The following KIAA1671 variants were observed in gnomAD, a reference collection of about 807,000 sequenced individuals.
The protein encoded by KIAA1671 is KIAA1671.
KIAA1671 carries 52 observed loss-of-function variants against 131.2 expected under a neutral mutation model. The ratio of observed to expected loss-of-function variants is 0.40; its 90% CI spans 0.32 to 0.50. KIAA1671 has a LOEUF of 0.50. Among genes scored for constraint, KIAA1671 ranks in the 20% least tolerant of loss-of-function variants. KIAA1671 has a pLI of 0.73. For missense variants in KIAA1671, 2,360 were observed against 2,364.2 expected, an observed-to-expected ratio of 1.00 and a Z score of 0.04; for synonymous variants, 1,003 against 961.6, an observed-to-expected ratio of 1.04 and a Z score of -0.80.
chr22:25,066,539 C>T (rs1928484139), intron 6 of KIAA1671, among the ~76,000 whole-genome samples: 1 of 152,154 alleles, frequency 6.6e-6, no homozygotes, highest in African/African-American at 2.4e-5. Context: ...TCTTAACACC[C>T]TCATCTTGGG....
At chr22:25,037,281 C>T (rs1043061764) in intron 4 of KIAA1671, among the ~76,000 whole-genome samples, 15 of 152,130 alleles carry the variant, frequency 9.9e-5, no homozygotes, top group Admixed American at 1.3e-4. Flanking sequence ...CGAGATCGTG[C>T]CATTGCACTC....
chr22:25,101,998 T>C, intron 6 of KIAA1671, among the ~76,000 whole-genome samples: 1 of 151,460 alleles, frequency 6.6e-6, no homozygotes, highest in Non-Finnish European at 1.5e-5. Context: ...GAGGCGGGAG[T>C]ATCTAAGCTG....
chr22:25,163,331 A>ATTTTTTTTTTTTTTTT (rs132895), intron 6 of KIAA1671, among the ~76,000 whole-genome samples: 2 of 55,544 alleles, frequency 3.6e-5, no homozygotes, highest in Non-Finnish European at 6.2e-5. Flanking sequence ...ATTGCCTCAA[A>ATTTTTTTTTTTTTTTT]TTTTTTTTTT....
rs1432946314 is a variant in KIAA1671, at chr22:25,193,800, TG to T, written c.*1401del. On this transcript the variant is annotated 3_prime_UTR_variant, in exon 13 of 13. Coordinates refer to ENST00000358431, the MANE Select transcript of KIAA1671 (RefSeq NM_001145206.2). ...ACCTTGTGTCCTGTTCGATGAGCTT[TG>T]GTTACTGATGAGCAATTGCCAGATC... 1.3e-5 allele frequency: 2 copies of T among 152,236 alleles called. No homozygotes were observed. Among genetic ancestry groups the T allele is most frequent in the African/African-American group, 2.4e-5 (1 of 41,452 alleles). 9.4% of individuals were successfully genotyped at this position (152,236 alleles called of 1,614,324 possible). A position where few individuals can be genotyped will look rare whatever the true frequency, so the allele number is the denominator to read the frequency against.
rs1353699597 is a variant in KIAA1671 at position 25,039,074 on chromosome 22, C to T, written c.1944C>T (p.Pro648=). The part of the protein sequence containing the change: ...GDMAHARVSE[P]RPRPEMGSWL... ...TGGCCCATGCCCGTGTCTCAGAACC[C>T]AGGCCGAGGCCTGAGATGGGCTCTT... The change falls in exon 5 of 13, where the codon CCC becomes CCT. Residue 648 remains proline (P), a synonymous_variant. Transcript: ENST00000358431. The T allele has an allele frequency of 1.3e-6, 2 of 1,551,590 alleles. No homozygotes were observed. The highest frequency in any genetic ancestry group is 1.4e-5 in the African/African-American group (1 of 73,062).
Position 25,040,915 on chromosome 22 carries a change from C to T in KIAA1671, c.3785C>T (p.Pro1262Leu), listed in dbSNP as rs990471781. The change falls in exon 5 of 13, where the codon CCG becomes CTG. Residue 1262 changes from proline (P) to leucine (L), a missense_variant. This residue lies in a region of KIAA1671 where 1,161 missense variants were observed against 1,204.7 expected (regional missense o/e 0.96). Coordinates refer to ENST00000358431, the MANE Select transcript of KIAA1671 (RefSeq NM_001145206.2). ...EMPDTGGLWK[P>L]ASSAEINHSF... ...CCCGATACCGGGGGTCTCTGGAAACCGGCCAGTTCTGCCGAAATAAATCAC... is the reference window on the plus strand; with the variant it reads ...CCCGATACCGGGGGTCTCTGGAAACTGGCCAGTTCTGCCGAAATAAATCAC... 5.5e-5 allele frequency: 82 copies of T among 1,499,558 alleles called. No individual in the cohort carries two copies. Among genetic ancestry groups the T allele is most frequent in the East Asian group, 1.7e-4 (7 of 40,484 alleles). The allele number at this position is 1,499,558 out of a possible 1,614,324, so 92.9% of individuals were successfully genotyped here. A position where few individuals can be genotyped will look rare whatever the true frequency, so the allele number is the denominator to read the frequency against.
At chr22:24,957,671 C>CTTTTTTTTTTTTTTTT (rs886130979) in intron 1 of KIAA1671, among the ~76,000 whole-genome samples, 2 of 100,322 alleles carry the variant, frequency 2.0e-5, no homozygotes, top group Non-Finnish European at 3.9e-5. Context: ...TCTTTTGTTC[C>CTTTTTTTTTTTTTTTT]TTTTTTTTTT....
intron 4 of KIAA1671, among the ~76,000 whole-genome samples, chr22:25,033,759 T>A (rs1405368850): frequency 1.3e-5 from 2 of 151,472 alleles, no homozygotes; most frequent in Non-Finnish European, 2.9e-5. Context: ...CTTTTGTATT[T>A]TTAGTAGAGT....
intron 1 of KIAA1671, chr22:25,022,993 C>G (rs1239199667): frequency 2.6e-5 from 4 of 152,408 alleles, no homozygotes; most frequent in Admixed American, 2.0e-4. Context: ...ATTACGAAGT[C>G]AGGAGATCCA....
chr22:24,979,545 T>G lies in KIAA1671; in HGVS notation c.-208+26773T>G, dbSNP rs1923119520. 2.0e-5 allele frequency among the ~76,000 whole-genome samples: 3 copies of G among 147,848 alleles called. No individual in the cohort carries two copies. The South Asian group carries it at 6.5e-4, about 32-fold the overall frequency. ...TTTGTATTTTTAGTAGAGACAGGGT[T>G]TCACTGTGTTAGCCAAGATGGTCTC... On this transcript the variant is annotated intron_variant, in intron 1 of 12. Transcript: ENST00000358431.
At chr22:25,130,224 A>G (rs141959900) in intron 6 of KIAA1671, among the ~76,000 whole-genome samples, 3 of 152,342 alleles carry the variant, frequency 2.0e-5, no homozygotes, top group Middle Eastern at 3.4e-3. Context: ...TATATATCAT[A>G]AAGGTATAGC....
chr22:24,991,623 AT>A (rs34846801), intron 1 of KIAA1671, among the ~76,000 whole-genome samples: 300 of 128,834 alleles, frequency 2.3e-3, no homozygotes, highest in South Asian at 6.6e-3. Context: ...CGCCCGGCTA[AT>A]TTTTTTTTTT....
intron 6 of KIAA1671, among the ~76,000 whole-genome samples, chr22:25,077,932 A>T (rs1276464650): frequency 6.6e-6 from 1 of 152,212 alleles, no homozygotes. Context: ...AAAAGATATT[A>T]TCCTCTTTGA....
At chr22:25,144,254 T>C (rs921910752) in intron 6 of KIAA1671, among the ~76,000 whole-genome samples, 1 of 152,226 alleles carries the variant, frequency 6.6e-6, no homozygotes, top group African/African-American at 2.4e-5. Context: ...TCTTTACCTC[T>C]TGGCACTGCC....
At chr22:25,009,253 CTTTTTTTT>C (rs35147267) in intron 1 of KIAA1671, among the ~76,000 whole-genome samples, 9 of 62,764 alleles carry the variant, frequency 1.4e-4, no homozygotes, top group Non-Finnish European at 2.6e-4. Context: ...CCCTTCCCCA[CTTTTTTTT>C]TTTTTTTTTT....
At chr22:25,006,472 G>T (rs1264676930) in intron 1 of KIAA1671, among the ~76,000 whole-genome samples, 1 of 152,122 alleles carries the variant, frequency 6.6e-6, no homozygotes, top group Non-Finnish European at 1.5e-5. Flanking sequence ...TGGTCGCCTG[G>T]GGGGCGACCG....
intron 6 of KIAA1671, chr22:25,057,587 C>G (rs5760815): frequency 0.74 from 112,643 of 151,472 alleles, 43,101 homozygotes; most frequent in African/African-American, 0.93. Context: ...TCTCACAGAT[C>G]AGGAAAACGG....
At chr22:25,186,647 A>T (rs1322394819) in intron 11 of KIAA1671, among the ~76,000 whole-genome samples, 1 of 152,236 alleles carries the variant, frequency 6.6e-6, no homozygotes, top group African/African-American at 2.4e-5. Context: ...GAACTGAATC[A>T]TGGTGGACAA....
At chr22:25,129,862 T>C (rs1601340694) in intron 6 of KIAA1671, among the ~76,000 whole-genome samples, 1 of 152,152 alleles carries the variant, frequency 6.6e-6, no homozygotes, top group Admixed American at 6.5e-5. Context: ...AATAACAATA[T>C]GTTATGGACA....
Sources: allele counts gnomAD v4.1 joint callset (sites outside exome capture counted in the v4.1 genomes callset), GRCh38; gene constraint gnomAD v4.1.1; regional missense constraint gnomAD v4.1.1; transcripts MANE v1.5; gene names NCBI Gene and HGNC (gene_info 2026-07-23, HGNC 2026-07-21).